Variants in RIMS1 observed in about 807,000 individuals in gnomAD.
RIMS1 encodes regulating synaptic membrane exocytosis 1.
A neutral mutation model predicts 214.1 loss-of-function variants in RIMS1; 83 were observed. That is an observed-to-expected ratio of 0.39 (90% CI 0.32 to 0.47). The LOEUF (loss-of-function observed/expected upper bound fraction) is 0.47. Ranked by LOEUF, RIMS1 falls within the 20% of genes least tolerant of loss-of-function variation. The pLI is 0.99. For synonymous variants in RIMS1, 793 were observed against 786.8 expected (o/e 1.01, Z -0.13); for missense variants, 2,050 against 2,161.8 (o/e 0.95, Z 1.03).
intron 2 of RIMS1, among the ~76,000 whole-genome samples, chr6:72,002,755 T>A (rs1562077079): frequency 6.6e-6 from 1 of 151,830 alleles, no homozygotes; most frequent in Non-Finnish European, 1.5e-5. Context: ...GTAGGATGAG[T>A]GATGAGTAGA....
At chr6:72,262,825 T>C in intron 19 of RIMS1, 1 of 716,274 alleles carries the variant, frequency 1.4e-6, no homozygotes, top group Non-Finnish European at 1.7e-6. Context: ...CATGTTCACT[T>C]AGGACTTATA....
At chr6:71,980,693 G>C (rs1211484018) in intron 2 of RIMS1, among the ~76,000 whole-genome samples, 3 of 151,928 alleles carry the variant, frequency 2.0e-5, no homozygotes, top group Admixed American at 1.3e-4. Flanking sequence ...GGCATTCCTG[G>C]AGAAAAAGGG....
chr6:72,290,615 G>A (rs1184651406), intron 24 of RIMS1, 64 bp from the exon 25 acceptor site: 5 of 1,427,006 alleles, frequency 3.5e-6, no homozygotes, highest in Non-Finnish European at 4.8e-6. Flanking sequence ...TTGGACAAAT[G>A]TGTTGGTATC....
intron 4 of RIMS1, among the ~76,000 whole-genome samples, chr6:72,123,393 C>A (rs2038838003): frequency 6.6e-6 from 1 of 151,748 alleles, no homozygotes; most frequent in Non-Finnish European, 1.5e-5. Flanking sequence ...TACTTCCCAC[C>A]ATGTGGTCAG....
chr6:72,122,557 G>A (rs757795222), intron 4 of RIMS1, among the ~76,000 whole-genome samples: 16 of 151,880 alleles, frequency 1.1e-4, no homozygotes, highest in African/African-American at 1.9e-4. Flanking sequence ...AATGGTACCA[G>A]CTCCTCTTTG....
chr6:72,191,131 T>G (rs1224038068), intron 6 of RIMS1, among the ~76,000 whole-genome samples: 10 of 152,192 alleles, frequency 6.6e-5, no homozygotes, highest in African/African-American at 2.4e-5. Flanking sequence ...TTGTAGAGTC[T>G]TCTTCTATTC....
intron 2 of RIMS1, among the ~76,000 whole-genome samples, chr6:72,013,296 T>C (rs1811507480): frequency 6.6e-6 from 1 of 152,192 alleles, no homozygotes; most frequent in Admixed American, 6.5e-5. Flanking sequence ...TTTATAAATA[T>C]TATGTCATAA....
chr6:72,136,531 A>G (rs565922570), intron 4 of RIMS1, among the ~76,000 whole-genome samples: 19 of 152,274 alleles, frequency 1.2e-4, no homozygotes, highest in Non-Finnish European at 2.6e-4. Flanking sequence ...ACAAACATAA[A>G]TTTTTGAAAT....
chr6:72,214,617 TA>T (rs1210385871), intron 6 of RIMS1, among the ~76,000 whole-genome samples: 1 of 152,038 alleles, frequency 6.6e-6, no homozygotes, highest in Non-Finnish European at 1.5e-5. Context: ...GAGAAATAAA[TA>T]TTTTTTTAAA....
At position 72,122,018 on chromosome 6, in the gene RIMS1, G is replaced by T. The variant is rs187686934; in HGVS notation, c.471+22032G>T. Among the ~76,000 whole-genome samples the T allele has an allele frequency of 2.2e-3, 332 of 151,820 alleles. 3 individuals carry two copies. Among genetic ancestry groups the T allele is most frequent in the African/African-American group, 6.4e-3 (267 of 41,474 alleles). ...GGGATGAAGCCAACTTGATCGTGGT[G>T]GATAAGCTTTTTGATGTGCTGCTGG... On this transcript the variant is annotated intron_variant, in intron 4 of 33. Coordinates refer to ENST00000521978, the MANE Select transcript of RIMS1 (RefSeq NM_014989.7).
chr6:72,076,253 C>T (rs1280567900), intron 2 of RIMS1, among the ~76,000 whole-genome samples: 4 of 152,172 alleles, frequency 2.6e-5, no homozygotes, highest in Non-Finnish European at 5.9e-5. Context: ...TGAGGAAACT[C>T]AGTATATTAG....
chr6:72,202,282 G>A (rs2052129789), intron 6 of RIMS1, among the ~76,000 whole-genome samples: 1 of 152,202 alleles, frequency 6.6e-6, no homozygotes, highest in African/African-American at 2.4e-5. Context: ...TAGTTCTGGA[G>A]GCTGGAAGTC....
intron 2 of RIMS1, among the ~76,000 whole-genome samples, chr6:72,049,337 C>T (rs948035652): frequency 6.6e-6 from 1 of 152,046 alleles, no homozygotes; most frequent in Non-Finnish European, 1.5e-5. Context: ...GGGAACTCAA[C>T]CCCTCTTATG....
chr6:72,261,610 C>G (rs1180064116), intron 19 of RIMS1: 1 of 983,908 alleles, frequency 1.0e-6, no homozygotes, highest in Non-Finnish European at 1.2e-6. Context: ...ACAAAATAAT[C>G]GAACTCAAAT....
chr6:72,240,487 T>C (rs1386709512), intron 9 of RIMS1, among the ~76,000 whole-genome samples: 1 of 151,686 alleles, frequency 6.6e-6, no homozygotes, highest in African/African-American at 2.4e-5. Context: ...ACTCATATAA[T>C]ATGAATATAT....
chr6:72,367,847 A>G (rs2098086968), intron 29 of RIMS1, among the ~76,000 whole-genome samples: 1 of 152,230 alleles, frequency 6.6e-6, no homozygotes, highest in South Asian at 2.1e-4. Flanking sequence ...GAAGGGTTTC[A>G]TAGATTATCC....
chr6:72,116,988 T>A (rs2037209242), intron 4 of RIMS1, among the ~76,000 whole-genome samples: 1 of 151,994 alleles, frequency 6.6e-6, no homozygotes, highest in African/African-American at 2.4e-5. Context: ...TATCTCCATG[T>A]GACAGATGAG....
intron 4 of RIMS1, among the ~76,000 whole-genome samples, chr6:72,145,012 G>A (rs923242130): frequency 1.3e-5 from 2 of 151,894 alleles, no homozygotes; most frequent in Non-Finnish European, 2.9e-5. Context: ...AGCCTCCTGA[G>A]TAGCATAATT....
intron 1 of RIMS1, among the ~76,000 whole-genome samples, chr6:71,961,193 C>T (rs1330984709): frequency 6.6e-6 from 1 of 152,084 alleles, no homozygotes; most frequent in East Asian, 1.9e-4. Flanking sequence ...CAGGATTGTC[C>T]TGCATGGATC....
Sources: allele counts gnomAD v4.1 joint callset (sites outside exome capture counted in the v4.1 genomes callset), GRCh38; gene constraint gnomAD v4.1.1; transcripts MANE v1.5; gene names NCBI Gene and HGNC (gene_info 2026-07-23, HGNC 2026-07-21).